ITGA8: variants seen among roughly 807,000 people sequenced by gnomAD.
ITGA8 encodes integrin subunit alpha 8.
Under a neutral mutation model 142.3 loss-of-function variants are expected in ITGA8, and 91 were observed. That is an observed-to-expected ratio of 0.64 (90% CI 0.54 to 0.76). The LOEUF (loss-of-function observed/expected upper bound fraction) is 0.76, where lower values mean the gene tolerates loss of function less well. ITGA8 is among the 30% of genes least tolerant of loss of function. The pLI, the probability that ITGA8 is intolerant of heterozygous loss-of-function variation, is 0.00. For synonymous variants in ITGA8, 505 were observed against 485.2 expected (o/e 1.04, Z -0.54); for missense variants, 1,406 against 1,327.7 (o/e 1.06, Z -0.92).
At chr10:15,540,025 T>A (rs1833537644) in intron 27 of ITGA8, among the ~76,000 whole-genome samples, 1 of 152,170 alleles carries the variant, frequency 6.6e-6, no homozygotes, top group Admixed American at 6.5e-5. Context: ...TCCTTTGCCT[T>A]CTGCTATGAT....
At chr10:15,579,052 G>T (rs1457958638) in intron 23 of ITGA8, among the ~76,000 whole-genome samples, 1 of 151,998 alleles carries the variant, frequency 6.6e-6, no homozygotes, top group East Asian at 1.9e-4. Context: ...AATTACATCA[G>T]AATAAACACC....
intron 27 of ITGA8, among the ~76,000 whole-genome samples, chr10:15,539,777 GTCTTT>G: frequency 6.6e-6 from 1 of 152,230 alleles, no homozygotes; most frequent in East Asian, 1.9e-4. Flanking sequence ...TCAAACATTT[GTCTTT>G]TCTTTGCATT....
chr10:15,683,421 G>A (rs933328783), intron 4 of ITGA8, among the ~76,000 whole-genome samples: 1 of 151,552 alleles, frequency 6.6e-6, no homozygotes, highest in African/African-American at 2.4e-5. Flanking sequence ...ACACTCCCAG[G>A]TTTGCTTTAA....
chr10:15,623,660 A>G (rs1833533769), intron 13 of ITGA8, among the ~76,000 whole-genome samples: 1 of 152,210 alleles, frequency 6.6e-6, no homozygotes, highest in Admixed American at 6.5e-5. Flanking sequence ...CACTCCAGCC[A>G]GGGTGGCAGA....
intron 13 of ITGA8, among the ~76,000 whole-genome samples, chr10:15,638,220 CTG>C (rs1481996599): frequency 6.6e-6 from 1 of 152,116 alleles, no homozygotes; most frequent in Non-Finnish European, 1.5e-5. Flanking sequence ...TCTTATATGT[CTG>C]TGTTTTCGGT....
chr10:15,702,178 T>C lies in ITGA8; in HGVS notation c.344-14140A>G, dbSNP rs564173299. Among the ~76,000 whole-genome samples the C allele has an allele frequency of 4.6e-5, 7 of 152,304 alleles. No individual in the cohort carries two copies. The South Asian group carries it at 8.3e-4, about 18-fold the overall frequency. On this transcript the variant is annotated intron_variant, in intron 2 of 29. Coordinates refer to ENST00000378076, the MANE Select transcript of ITGA8 (RefSeq NM_003638.3). ...TTGATTAAATGAGTATTTTATGATC[T>C]ATATCACGTATGCATACTATATACA...
chr10:15,632,880 G>A (rs1042140220), intron 13 of ITGA8, among the ~76,000 whole-genome samples: 1 of 151,276 alleles, frequency 6.6e-6, no homozygotes, highest in African/African-American at 2.4e-5. Context: ...AAGGATGGGA[G>A]GCTGGACAGT....
At chr10:15,687,514 ATTATGAAAGACAGCTTTCCTTTCGGTG>A (rs1401743489) in intron 3 of ITGA8, among the ~76,000 whole-genome samples, 1 of 152,214 alleles carries the variant, frequency 6.6e-6, no homozygotes, top group Non-Finnish European at 1.5e-5. Flanking sequence ...TTTAAAAATT[ATTATGAAAGACAGCTTTCCTTTCGGTG>A]TAAAAAGGAT....
Position 15,613,676 on chromosome 10 carries a change from T to G in ITGA8, c.1537A>C (p.Met513Leu). ...CTAACTCACCAGGCAGCAGATGTCA[T>G]AGAGTCTGGAACCTGGCAAGTTTTA... ...ENKTCQVPDS[M>L]TSAACFSLRV... Residue 513 changes from methionine (M) to leucine (L), a missense_variant, in exon 15 of 30, where the codon ATG becomes CTG. Met to Leu is a conservative substitution (Grantham distance 15). Transcript: ENST00000378076. 1 of 1,612,642 alleles carries G rather than the reference T, an allele frequency of 6.2e-7. No individual in the cohort carries two copies. The highest frequency in any genetic ancestry group is 8.5e-7 in the Non-Finnish European group (1 of 1,178,636).
At chr10:15,597,757 C>A (rs567616661) in intron 20 of ITGA8, among the ~76,000 whole-genome samples, 114 of 152,234 alleles carry the variant, frequency 7.5e-4, no homozygotes, top group Middle Eastern at 3.4e-3. Context: ...TTTCTATACA[C>A]CATGGTCCCG....
chr10:15,603,438 G>C (rs1250149541), intron 20 of ITGA8, among the ~76,000 whole-genome samples: 1 of 152,196 alleles, frequency 6.6e-6, no homozygotes, highest in Admixed American at 6.5e-5. Context: ...TCCTATGAAA[G>C]GAAACGTGAA....
rs1247866941 is a variant in ITGA8 at position 15,532,831 on chromosome 10, T to TA, written c.2881-1681dup. On this transcript the variant is annotated intron_variant, in intron 27 of 29. Transcript: ENST00000378076. ...TGTAAACTTAAGTAAATTATATTTC[T>TA]AAAAAAAAGGTAATAAATACTCAAA... is the stretch of plus-strand genomic sequence containing the variant. Among the ~76,000 whole-genome samples, 7 of 151,994 alleles carry TA rather than the reference T, an allele frequency of 4.6e-5. No individual in the cohort carries two copies. In the East Asian group the frequency reaches 7.7e-4, roughly 17 times the overall value.
At position 15,654,593 on chromosome 10, in the gene ITGA8, C is replaced by CT. The variant is rs561066116; in HGVS notation, c.1001+760dup. ...ATAGCTAAAGTGCTTAGCCCGTTGC[C>CT]TAGAACAAAGTAAGTATTCTTCAGA... On this transcript the variant is annotated intron_variant, in intron 11 of 29. Transcript: ENST00000378076. Among the ~76,000 whole-genome samples, 43 of 152,266 alleles carry CT rather than the reference C, an allele frequency of 2.8e-4. No individual in the cohort carries two copies. In the South Asian group the frequency reaches 6.6e-3, roughly 23 times the overall value.
Position 15,650,340 on chromosome 10 carries a change from G to C in ITGA8, c.1002-3289C>G, listed in dbSNP as rs1834063063. On this transcript the variant is annotated intron_variant, in intron 11 of 29. Coordinates refer to ENST00000378076, the MANE Select transcript of ITGA8 (RefSeq NM_003638.3). ...TGTGTCCCTCAAATTTCATGTATTA[G>C]ACAATTAATCTTCAGATGCATATAT... Among the ~76,000 whole-genome samples the C allele has an allele frequency of 4.6e-5, 7 of 152,142 alleles. No homozygotes were observed. The South Asian group carries it at 1.5e-3, about 32-fold the overall frequency.
intron 4 of ITGA8, among the ~76,000 whole-genome samples, chr10:15,683,711 G>A (rs1024615066): frequency 6.6e-6 from 1 of 152,228 alleles, no homozygotes; most frequent in Non-Finnish European, 1.5e-5. Flanking sequence ...CACGGAACGT[G>A]AATTTTGAAC....
chr10:15,611,937 C>T (rs1389129660), intron 15 of ITGA8, among the ~76,000 whole-genome samples: 3 of 152,090 alleles, frequency 2.0e-5, no homozygotes, highest in African/African-American at 7.2e-5. Context: ...TAAAGGAATT[C>T]AGCCTAGAAG....
Position 15,687,813 on chromosome 10 carries a change from A to G in ITGA8, c.444+125T>C, listed in dbSNP as rs993045493. ...GCATTTAGTTGCTTTTAAAATGCCA[A>G]CAGCCTTATCGTTGAAAGTCTAACA... On this transcript the variant is annotated intron_variant, in intron 3 of 29. Coordinates refer to ENST00000378076, the MANE Select transcript of ITGA8 (RefSeq NM_003638.3). The G allele has an allele frequency of 3.3e-5, 20 of 602,354 alleles. No homozygotes were observed. The African/African-American group carries it at 3.5e-4, about 10-fold the overall frequency. The allele number at this position is 602,354 out of a possible 1,614,324, so 37.3% of individuals were successfully genotyped here. A position where few individuals can be genotyped will look rare whatever the true frequency, so the allele number is the denominator to read the frequency against.
chr10:15,607,850 G>A lies in ITGA8; in HGVS notation c.1610-19C>T. On this transcript the variant is annotated intron_variant, in intron 16 of 29. Coordinates refer to ENST00000378076, the MANE Select transcript of ITGA8 (RefSeq NM_003638.3). ...ATCAAGACTAAAGGACAGAAGTAAA[G>A]TAGAGAAAAAGTATTCAGTGAACAC... The A allele has an allele frequency of 6.2e-7, 1 of 1,607,654 alleles. No individual in the cohort carries two copies. Among genetic ancestry groups the A allele is most frequent in the Non-Finnish European group, 8.5e-7 (1 of 1,175,262 alleles).
chr10:15,692,472 A>G (rs1328696504), intron 2 of ITGA8, among the ~76,000 whole-genome samples: 2 of 152,192 alleles, frequency 1.3e-5, no homozygotes, highest in Non-Finnish European at 2.9e-5. Flanking sequence ...CACTTCAGTT[A>G]TTGATTTCAT....
Sources: gnomAD v4.1 joint callset for allele counts (sites outside exome capture counted in the v4.1 genomes callset) on GRCh38, gnomAD v4.1.1 for gene constraint, MANE v1.5 for transcripts, NCBI Gene and HGNC (gene_info 2026-07-23, HGNC 2026-07-21) for gene names.